FRAS1: variants seen among roughly 807,000 people sequenced by gnomAD.
The protein encoded by FRAS1 is Fraser extracellular matrix complex subunit 1, also known as extracellular matrix organizing protein FRAS1.
Under a neutral mutation model 435.2 loss-of-function variants are expected in FRAS1, and 290 were observed. The observed-to-expected ratio is 0.67, with a 90% CI of 0.61 to 0.73. The LOEUF is 0.73. FRAS1 is among the 30% of genes least tolerant of loss of function. The pLI, the probability that FRAS1 is intolerant of heterozygous loss-of-function variation, is 0.00. For synonymous variants in FRAS1, 1,800 were observed against 1,851.0 expected (o/e 0.97, Z 0.71); for missense variants, 4,860 against 5,001.5 (o/e 0.97, Z 0.85).
At chr4:78,181,905 C>T in intron 2 of FRAS1, 2 of 1,611,020 alleles carry the variant, frequency 1.2e-6, no homozygotes, top group Non-Finnish European at 1.7e-6. Context: ...GCCCCAGGGC[C>T]CCCAACGCCA....
chr4:78,366,860 C>T (rs752745598), intron 22 of FRAS1, among the ~76,000 whole-genome samples: 31 of 152,088 alleles, frequency 2.0e-4, no homozygotes, highest in Admixed American at 7.9e-4. Flanking sequence ...GCTGAGAACC[C>T]GAGGGACGTT....
intron 47 of FRAS1, among the ~76,000 whole-genome samples, chr4:78,462,365 A>G (rs1189583828): frequency 1.3e-5 from 2 of 152,102 alleles, no homozygotes; most frequent in Non-Finnish European, 2.9e-5. Context: ...ACAAAGTGAG[A>G]CCCTGTCTCA....
chr4:78,132,215 G>A (rs1314474668), intron 2 of FRAS1, among the ~76,000 whole-genome samples: 1 of 152,120 alleles, frequency 6.6e-6, no homozygotes, highest in Non-Finnish European at 1.5e-5. Context: ...GTCAGGAAGG[G>A]CAGCCAGTAC....
intron 4 of FRAS1, among the ~76,000 whole-genome samples, chr4:78,249,048 G>GCATATATATATATATGCAT (rs1553934018): frequency 3.6e-5 from 1 of 27,528 alleles, no homozygotes; most frequent in African/African-American, 8.4e-5. Flanking sequence ...AAGAACTACT[G>GCATATATATATATATGCAT]ATATATATAT....
At chr4:78,181,583 C>T in intron 2 of FRAS1, 1 of 1,611,570 alleles carries the variant, frequency 6.2e-7, no homozygotes, top group Non-Finnish European at 8.5e-7. Flanking sequence ...AATAATCGGT[C>T]TATCAACTGA....
intron 30 of FRAS1, among the ~76,000 whole-genome samples, chr4:78,407,216 A>G (rs112449922): frequency 6.6e-6 from 1 of 152,244 alleles, no homozygotes; most frequent in African/African-American, 2.4e-5. Flanking sequence ...TTCTCTCATG[A>G]AAATTTTCCA....
At chr4:78,418,829 G>A in intron 32 of FRAS1, 120 bp from the exon 33 acceptor site, 1 of 586,336 alleles carries the variant, frequency 1.7e-6, no homozygotes, top group South Asian at 2.4e-5. Context: ...TCGAAAATTT[G>A]ACTAAGTGTG....
intron 41 of FRAS1, among the ~76,000 whole-genome samples, chr4:78,442,636 C>T (rs1453630958): frequency 2.6e-5 from 4 of 152,204 alleles, no homozygotes; most frequent in African/African-American, 9.7e-5. Flanking sequence ...CATGGAGGTG[C>T]AGAGATACTC....
intron 1 of FRAS1, among the ~76,000 whole-genome samples, chr4:78,059,714 A>G (rs1481380352): frequency 6.6e-6 from 1 of 151,986 alleles, no homozygotes; most frequent in Non-Finnish European, 1.5e-5. Context: ...GGAATGGTGC[A>G]GCTTGTCGGA....
chr4:78,313,956 A>G (rs1427574000), intron 15 of FRAS1, among the ~76,000 whole-genome samples: 1 of 152,154 alleles, frequency 6.6e-6, no homozygotes, highest in Non-Finnish European at 1.5e-5. Flanking sequence ...GAAACTTTTC[A>G]GATGTTATTT....
rs774626914 is a variant in FRAS1, at chr4:78,475,616, G to A, written c.7851+10G>A. On this transcript the variant is annotated intron_variant, in intron 54 of 73. Coordinates refer to ENST00000512123, the MANE Select transcript of FRAS1 (RefSeq NM_025074.7). ...AGAGTATGCTGGCCAGGTAGGTGGGGTAGTGGGGTTGGGGGAGGCTCCAGC... is the reference window on the plus strand; with the variant it reads ...AGAGTATGCTGGCCAGGTAGGTGGGATAGTGGGGTTGGGGGAGGCTCCAGC... The A allele has an allele frequency of 2.6e-6, 4 of 1,545,422 alleles. No homozygotes were observed. Among genetic ancestry groups the A allele is most frequent in the Admixed American group, 3.6e-5 (2 of 55,398 alleles).
intron 29 of FRAS1, among the ~76,000 whole-genome samples, chr4:78,391,996 G>T (rs550345040): frequency 6.6e-6 from 1 of 151,402 alleles, no homozygotes; most frequent in African/African-American, 2.4e-5. Flanking sequence ...TTTTGGGGGG[G>T]TTTGATTAGC....
At position 78,429,207 on chromosome 4, in the gene FRAS1, A is replaced by C; in HGVS notation, c.4824A>C (p.Pro1608=). The part of the protein sequence containing the change: ...QVTAPRLAVS[P]GGSTSVGLQV... ...CAGCTCCACGGCTGGCGGTCAGCCC[A>C]GGAGGCAGCACTTCTGTAGGTAAGA... Residue 1608 remains proline, a synonymous_variant, in exon 36 of 74, where the codon CCA becomes CCC. Transcript: ENST00000512123. The C allele has an allele frequency of 6.2e-7, 1 of 1,607,680 alleles. No homozygotes were observed. Among genetic ancestry groups the C allele is most frequent in the Non-Finnish European group, 8.5e-7 (1 of 1,177,420 alleles).
chr4:78,253,791 G>A (rs1354966827), intron 5 of FRAS1, among the ~76,000 whole-genome samples: 1 of 152,138 alleles, frequency 6.6e-6, no homozygotes, highest in East Asian at 1.9e-4. Flanking sequence ...AGAAGCAAGG[G>A]AATAGGGAAA....
chr4:78,318,941 C>T lies in FRAS1; in HGVS notation c.2092C>T (p.Gln698Ter). The change falls in exon 18 of 74, where the codon CAG becomes TAG. Residue 698 changes from glutamine to a stop codon, truncating the protein, a stop_gained. Transcript: ENST00000512123. LOFTEE classifies it high-confidence loss of function. ...CATCCCCTCTGGCGAGTGTCTAGCC[C>T]AGTGTAGAGCCCATTTTTACTTGGA... is the stretch of plus-strand genomic sequence containing the variant. ...VGIPSGECLA[Q>*]CRAHFYLEST... 2 of 1,613,948 alleles carry T rather than the reference C, an allele frequency of 1.2e-6. No homozygotes were observed. The highest frequency in any genetic ancestry group is 1.7e-6 in the Non-Finnish European group (2 of 1,179,868).
chr4:78,060,502 C>T (rs548097810), intron 1 of FRAS1, among the ~76,000 whole-genome samples: 1 of 152,188 alleles, frequency 6.6e-6, no homozygotes. Context: ...CCTCACTTAG[C>T]TGTGTGCTTA....
rs772059263 is a variant in FRAS1 at position 78,429,191 on chromosome 4, G to A, written c.4808G>A (p.Arg1603Gln). ...CCAGTGTTCCAGGTCACAGCTCCAC[G>A]GCTGGCGGTCAGCCCAGGAGGCAGC... Reference protein sequence around the residue: ...QLPVFQVTAPRLAVSPGGSTS... With the variant: ...QLPVFQVTAPQLAVSPGGSTS... Residue 1603 changes from arginine to glutamine, a missense_variant, in exon 36 of 74, where the codon CGG becomes CAG. By Grantham distance (43) the Arg-to-Gln change is conservative. Transcript: ENST00000512123. 9.8e-5 allele frequency: 157 copies of A among 1,606,328 alleles called. No homozygotes were observed. The highest frequency in any genetic ancestry group is 3.3e-4 in the South Asian group (29 of 88,594).
At chr4:78,319,029 T>C (rs1729393263) in intron 18 of FRAS1, 43 bp downstream of exon 18, 2 of 1,592,870 alleles carry the variant, frequency 1.3e-6, no homozygotes, top group Non-Finnish European at 1.7e-6. Context: ...TCTGGGCTTA[T>C]CTCTTGAGAG....
chr4:78,389,583 G>T (rs760264680), intron 29 of FRAS1, among the ~76,000 whole-genome samples: 6 of 152,232 alleles, frequency 3.9e-5, no homozygotes, highest in Admixed American at 6.5e-5. Context: ...TCACTCTTGC[G>T]ATGGCCCTGG....
Sources: allele counts gnomAD v4.1 joint callset (sites outside exome capture counted in the v4.1 genomes callset), GRCh38; gene constraint gnomAD v4.1.1; transcripts MANE v1.5; gene names NCBI Gene and HGNC (gene_info 2026-07-23, HGNC 2026-07-21).